Variants in GAB3 observed in about 807,000 individuals in gnomAD.
GAB3 encodes the protein GRB2-associated-binding protein 3.
In GAB3, 12 loss-of-function variants were observed where a neutral mutation model predicts 40.4. The observed-to-expected ratio is 0.30, with a 90% CI of 0.19 to 0.48. GAB3 has a LOEUF of 0.48. GAB3 is among the 20% of genes least tolerant of loss of function. The probability of loss-of-function intolerance (pLI) is 0.99; values close to 1 mark genes in which losing one functional copy is unlikely to be tolerated. For missense variants in GAB3, 381 were observed against 461.9 expected (o/e 0.82, Z 1.61); for synonymous variants, 154 against 176.7 (o/e 0.87, Z 1.02).
At chrX:154,740,237 C>G (rs782737213) in intron 1 of GAB3, among the ~76,000 whole-genome samples, 13 of 111,908 alleles carry the variant, frequency 1.2e-4, no homozygotes, top group Non-Finnish European at 2.3e-4. Flanking sequence ...ATCATAGTAT[C>G]TCCACATAGT....
At chrX:154,751,290 G>GGAGGT (rs2071613966), upstream of GAB3, among the ~76,000 whole-genome samples, 1 of 92,069 alleles carries the variant, frequency 1.1e-5, no homozygotes, top group African/African-American at 4.5e-5. Flanking sequence ...TGCCCGGGGG[G>GGAGGT]GGGGTGTGGG....
chrX:154,714,400 A>C (rs1557257201), intron 2 of GAB3, among the ~76,000 whole-genome samples: 1 of 112,012 alleles, frequency 8.9e-6, no homozygotes, highest in Non-Finnish European at 1.9e-5. Context: ...TTAATATACA[A>C]AAGCATTTCA....
chrX:154,745,069 G>A (rs1448518974), intron 1 of GAB3, among the ~76,000 whole-genome samples: 2 of 112,086 alleles, frequency 1.8e-5, no homozygotes, highest in Non-Finnish European at 3.8e-5. Flanking sequence ...GGTGGCTCAC[G>A]CCTGTAATCC....
intron 1 of GAB3, among the ~76,000 whole-genome samples, chrX:154,743,199 A>AAAAAC (rs1189244380): frequency 1.8e-5 from 2 of 110,504 alleles, no homozygotes; most frequent in Non-Finnish European, 3.8e-5. Flanking sequence ...TGCTGAAAAG[A>AAAAAC]AAAACAAAAC....
intron 2 of GAB3, among the ~76,000 whole-genome samples, chrX:154,715,130 C>A (rs894016420): frequency 8.9e-6 from 1 of 111,909 alleles, no homozygotes; most frequent in African/African-American, 3.3e-5. Context: ...TGCCACCTAG[C>A]GTTAGAGTGT....
At chrX:154,696,640 G>C (rs2070662846) in intron 7 of GAB3, among the ~76,000 whole-genome samples, 1 of 112,266 alleles carries the variant, frequency 8.9e-6, no homozygotes, top group Non-Finnish European at 1.9e-5. Flanking sequence ...GTGAACCTGG[G>C]AACTCCCTTG....
chrX:154,694,684 C>T (rs1234804985), intron 8 of GAB3, among the ~76,000 whole-genome samples: 2 of 112,383 alleles, frequency 1.8e-5, no homozygotes, highest in African/African-American at 3.2e-5. Context: ...TGAGCCACCG[C>T]GCCCAGCCAA....
intron 1 of GAB3, among the ~76,000 whole-genome samples, chrX:154,747,399 T>C (rs1299878426): frequency 8.9e-6 from 1 of 112,667 alleles, no homozygotes; most frequent in Non-Finnish European, 1.9e-5. Context: ...ATGAAATCGG[T>C]ATGCAAGAAA....
At chrX:154,689,520 T>C (rs1285890475) in intron 8 of GAB3, among the ~76,000 whole-genome samples, 9 of 109,783 alleles carry the variant, frequency 8.2e-5, no homozygotes, top group African/African-American at 3.0e-4. Context: ...GAAAACCCCA[T>C]TGTCTCAGCC....
At chrX:154,715,633 T>C (rs1465171501) in intron 2 of GAB3, among the ~76,000 whole-genome samples, 1 of 111,831 alleles carries the variant, frequency 8.9e-6, no homozygotes, top group Non-Finnish European at 1.9e-5. Flanking sequence ...AACAACCCAA[T>C]AGGCACCAGA....
intron 1 of GAB3, among the ~76,000 whole-genome samples, chrX:154,730,532 TCCCGTTCTCTG>T (rs1346210904): frequency 8.9e-6 from 1 of 112,208 alleles, no homozygotes; most frequent in African/African-American, 3.2e-5. Flanking sequence ...TAAGCTGATC[TCCCGTTCTCTG>T]CCCAGTAGCT....
rs781891656 is a variant in GAB3, at chrX:154,749,162, G to T, written c.72+1792C>A. Among the ~76,000 whole-genome samples, 55 of 111,494 alleles carry T rather than the reference G, an allele frequency of 4.9e-4. 1 individual carries two copies. The South Asian group carries it at 0.019, about 38-fold the overall frequency. On this transcript the variant is annotated intron_variant, in intron 1 of 9. Transcript: ENST00000424127. ...CCCACATATCTCTAAGCTGCGCAGT[G>T]TCCACTCTTGCCACATCCCCTAAAG...
At chrX:154,711,165 C>G (rs782061993) in intron 4 of GAB3, among the ~76,000 whole-genome samples, 1 of 112,056 alleles carries the variant, frequency 8.9e-6, no homozygotes, top group South Asian at 3.7e-4. Flanking sequence ...CTTCCACTTT[C>G]CATAATTCCT....
upstream of GAB3, among the ~76,000 whole-genome samples, chrX:154,751,284 C>CGGGG (rs1247944998): frequency 1.1e-4 from 6 of 52,327 alleles, no homozygotes; most frequent in African/African-American, 3.1e-4. Flanking sequence ...CGGCTGTGCC[C>CGGGG]GGGGGGGGGG....
chrX:154,750,553 C>G (rs1343094822), intron 1 of GAB3, among the ~76,000 whole-genome samples: 2 of 112,399 alleles, frequency 1.8e-5, no homozygotes, highest in Admixed American at 9.3e-5. Context: ...GTCAGTCTCC[C>G]TATCCCCTGC....
At chrX:154,692,932 T>C (rs782028224) in intron 8 of GAB3, among the ~76,000 whole-genome samples, 2 of 112,457 alleles carry the variant, frequency 1.8e-5, no homozygotes, top group Non-Finnish European at 3.8e-5. Flanking sequence ...AGAATTACCA[T>C]ATGATCCAGA....
chrX:154,717,636 G>C (rs1235900081), intron 1 of GAB3, among the ~76,000 whole-genome samples: 1 of 111,437 alleles, frequency 9.0e-6, no homozygotes, highest in African/African-American at 3.3e-5. Flanking sequence ...GGGCTCCTTG[G>C]CTTCCCACTC....
At chrX:154,694,211 T>G (rs2070615979) in intron 8 of GAB3, among the ~76,000 whole-genome samples, 1 of 111,746 alleles carries the variant, frequency 8.9e-6, no homozygotes, top group Non-Finnish European at 1.9e-5. Context: ...GGGATAGCCT[T>G]TAAACATTTT....
At chrX:154,712,169 C>G in intron 4 of GAB3, 60 bp downstream of exon 4, 2 of 893,646 alleles carry the variant, frequency 2.2e-6, no homozygotes, top group South Asian at 4.7e-5. Context: ...CACATGGGCA[C>G]AAAGAGTGAA....
Sources: allele counts gnomAD v4.1 joint callset (sites outside exome capture counted in the v4.1 genomes callset), GRCh38; gene constraint gnomAD v4.1.1; transcripts MANE v1.5; gene names NCBI Gene and HGNC (gene_info 2026-07-23, HGNC 2026-07-21).